The following MAD1L1 variants were observed in gnomAD, a reference collection of about 807,000 sequenced individuals.
MAD1L1 encodes the protein mitotic arrest deficient 1 like 1.
Under a neutral mutation model 96.9 loss-of-function variants are expected in MAD1L1, and 95 were observed. That is an observed-to-expected ratio of 0.98 (90% confidence interval 0.83 to 1.16). The LOEUF is 1.16. Among genes scored for constraint, MAD1L1 ranks in the 50% most tolerant of loss-of-function variants. The pLI, the probability that MAD1L1 is intolerant of heterozygous loss-of-function variation, is 0.00. For missense variants in MAD1L1, 1,007 were observed against 954.4 expected, an observed-to-expected ratio of 1.06 and a Z score of -0.73; for synonymous variants, 473 against 396.6, an observed-to-expected ratio of 1.19 and a Z score of -2.29.
intron 11 of MAD1L1, among the ~76,000 whole-genome samples, chr7:2,130,369 C>A (rs957469245): frequency 1.1e-4 from 16 of 152,230 alleles, no homozygotes; most frequent in African/African-American, 3.9e-4. Flanking sequence ...CAGCCCCCAA[C>A]TCCCAGGAGT....
At chr7:2,098,599 T>TGGGCAGGGAGCACAGCACGGC (rs1280509246) in intron 11 of MAD1L1, among the ~76,000 whole-genome samples, 2 of 151,998 alleles carry the variant, frequency 1.3e-5, no homozygotes, top group Non-Finnish European at 2.9e-5. Context: ...CTCAAACAAA[T>TGGGCAGGGAGCACAGCACGGC]GGGCAGGGAG....
At chr7:2,220,503 G>A (rs868269025) in intron 5 of MAD1L1, among the ~76,000 whole-genome samples, 9 of 152,218 alleles carry the variant, frequency 5.9e-5, no homozygotes, top group South Asian at 2.1e-4. Flanking sequence ...GTTAACACAC[G>A]GAAACACACG....
At chr7:2,066,418 G>T (rs938507166) in intron 12 of MAD1L1, among the ~76,000 whole-genome samples, 3 of 152,256 alleles carry the variant, frequency 2.0e-5, no homozygotes, top group Non-Finnish European at 4.4e-5. Flanking sequence ...CTGGCCTGGG[G>T]CTACACGGGC....
chr7:2,205,837 T>C (rs977524486), intron 10 of MAD1L1, among the ~76,000 whole-genome samples: 1 of 152,196 alleles, frequency 6.6e-6, no homozygotes, highest in Non-Finnish European at 1.5e-5. Context: ...TCTTGTAAAG[T>C]ATCTGTTAAA....
intron 18 of MAD1L1, chr7:1,847,435 A>T (rs1562452143): frequency 2.1e-6 from 1 of 470,760 alleles, no homozygotes; most frequent in Admixed American, 2.3e-5. Flanking sequence ...GAGACAGTGG[A>T]GACCTCTACC....
intron 12 of MAD1L1, among the ~76,000 whole-genome samples, chr7:2,023,711 G>A (rs1439887181): frequency 1.3e-5 from 2 of 152,230 alleles, no homozygotes; most frequent in Non-Finnish European, 2.9e-5. Flanking sequence ...CACTTTGGGA[G>A]GCCAAGGTGG....
chr7:1,985,535 C>A (rs901505889), intron 14 of MAD1L1, among the ~76,000 whole-genome samples: 2 of 152,256 alleles, frequency 1.3e-5, no homozygotes, highest in South Asian at 2.1e-4. Flanking sequence ...CTGCTCTCCC[C>A]ACCTGATACT....
intron 14 of MAD1L1, among the ~76,000 whole-genome samples, chr7:1,982,233 T>G (rs959620085): frequency 3.5e-4 from 54 of 152,204 alleles, no homozygotes; most frequent in African/African-American, 1.2e-3. Flanking sequence ...ATATATATTC[T>G]GAGACAGAGT....
At chr7:2,226,996 A>T (rs2115021607) in intron 3 of MAD1L1, among the ~76,000 whole-genome samples, 1 of 150,604 alleles carries the variant, frequency 6.6e-6, no homozygotes, top group South Asian at 2.1e-4. Context: ...CAAAAAAAAA[A>T]AAACAAAAGA....
intron 11 of MAD1L1, among the ~76,000 whole-genome samples, chr7:2,138,288 C>T (rs555166518): frequency 1.3e-5 from 2 of 152,250 alleles, no homozygotes; most frequent in African/African-American, 2.4e-5. Context: ...CCCCAGGGGA[C>T]GTGCTCCCTG....
chr7:1,889,584 T>C (rs998084088), intron 18 of MAD1L1, among the ~76,000 whole-genome samples: 1 of 152,168 alleles, frequency 6.6e-6, no homozygotes, highest in Admixed American at 6.5e-5. Flanking sequence ...CCATCTCCTA[T>C]GTTCCCTGCA....
chr7:2,133,049 T>G (rs994470955), intron 11 of MAD1L1, among the ~76,000 whole-genome samples: 2 of 152,154 alleles, frequency 1.3e-5, no homozygotes, highest in Admixed American at 1.3e-4. Context: ...TCACCCATTT[T>G]CAATGCTGAG....
At chr7:2,087,955 A>C (rs749211639) in intron 11 of MAD1L1, among the ~76,000 whole-genome samples, 1 of 152,180 alleles carries the variant, frequency 6.6e-6, no homozygotes, top group Admixed American at 6.5e-5. Flanking sequence ...GGTGCCTCTG[A>C]GAAGATCCAG....
chr7:1,917,685 T>G (rs1226256573), intron 17 of MAD1L1, among the ~76,000 whole-genome samples: 1 of 152,200 alleles, frequency 6.6e-6, no homozygotes. Flanking sequence ...TTGCCACGGC[T>G]GGGGACCGTA....
At chr7:2,075,529 G>A (rs969349197) in intron 11 of MAD1L1, among the ~76,000 whole-genome samples, 2 of 152,060 alleles carry the variant, frequency 1.3e-5, no homozygotes, top group African/African-American at 2.4e-5. Flanking sequence ...TGGCATTTCC[G>A]TGAGCCTCTG....
At chr7:1,905,981 C>T (rs1224184291) in intron 17 of MAD1L1, among the ~76,000 whole-genome samples, 1 of 143,656 alleles carries the variant, frequency 7.0e-6, no homozygotes, top group Non-Finnish European at 1.5e-5. Flanking sequence ...GCCCAGTAAG[C>T]AGAGGCTGCA....
intron 18 of MAD1L1, among the ~76,000 whole-genome samples, chr7:1,883,450 C>T (rs1297054753): frequency 6.6e-6 from 1 of 152,218 alleles, no homozygotes; most frequent in African/African-American, 2.4e-5. Flanking sequence ...ATGGGGAGGG[C>T]TGCCCATGCC....
intron 12 of MAD1L1, among the ~76,000 whole-genome samples, chr7:2,041,145 G>T (rs183662918): frequency 3.7e-4 from 56 of 152,298 alleles, no homozygotes; most frequent in African/African-American, 1.2e-3. Context: ...CTGTCAGGAG[G>T]ATTTGCCCTT....
intron 16 of MAD1L1, among the ~76,000 whole-genome samples, chr7:1,938,899 G>GCACA (rs1491290722): frequency 0.024 from 1,382 of 57,754 alleles, 68 homozygotes; most frequent in Admixed American, 0.066. Context: ...GGGGCCAGAG[G>GCACA]CGCGCACACA....
Sources: allele counts gnomAD v4.1 joint callset (sites outside exome capture counted in the v4.1 genomes callset), GRCh38; gene constraint gnomAD v4.1.1; transcripts MANE v1.5; gene names NCBI Gene and HGNC (gene_info 2026-07-23, HGNC 2026-07-21).